HSPG2: variants seen among roughly 807,000 people sequenced by gnomAD.
The protein encoded by HSPG2 is heparan sulfate proteoglycan 2, also known as basement membrane-specific heparan sulfate proteoglycan core protein.
In HSPG2, 278 loss-of-function variants were observed where a neutral mutation model predicts 526.6. The ratio of observed to expected loss-of-function variants is 0.53; its 90% CI spans 0.48 to 0.58. The LOEUF (loss-of-function observed/expected upper bound fraction) is 0.58. Ranked by LOEUF, HSPG2 falls within the 20% of genes least tolerant of loss-of-function variation. The pLI, the probability that HSPG2 is intolerant of heterozygous loss-of-function variation, is 0.00. For synonymous variants in HSPG2, 2,465 were observed against 2,555.4 expected, an observed-to-expected ratio of 0.96 and a Z score of 1.07; for missense variants, 5,354 against 6,099.5, an observed-to-expected ratio of 0.88 and a Z score of 4.07.
Position 21,823,000 on chromosome 1 carries a change from T to A in HSPG2, c.*316A>T, listed in dbSNP as rs990678309. On this transcript the variant is annotated 3_prime_UTR_variant, in exon 97 of 97. Transcript: ENST00000374695. ...CAGAAACAGGCCACCCAGCTCTATC[T>A]GGGGGCTCCATCGGTGGGTAGGGGG... 3 of 262,030 alleles carry A rather than the reference T, an allele frequency of 1.1e-5. No homozygotes were observed. The East Asian group carries it at 2.1e-4, about 19-fold the overall frequency. 16.2% of individuals were successfully genotyped at this position (262,030 alleles called of 1,614,324 possible). A position where few individuals can be genotyped will look rare whatever the true frequency, so the allele number is the denominator to read the frequency against.
At position 21,828,100 on chromosome 1, in the gene HSPG2, C is replaced by A; in HGVS notation, c.12462G>T (p.Leu4154=). 1.2e-6 allele frequency: 2 copies of A among 1,612,818 alleles called. No individual in the cohort carries two copies. Among genetic ancestry groups the A allele is most frequent in the Admixed American group, 1.7e-5 (1 of 59,986 alleles). The part of the protein sequence containing the change: ...ENPCQLREPC[L]HGGTCQGTRC... ...GGGTGCCCTGGCAGGTGCCCCCATG[C>A]AGACAGGGTTCACGGAGCTGGCAGG... Residue 4154 remains leucine (L), a synonymous_variant, in exon 90 of 97, where the codon CTG becomes CTT. Coordinates refer to ENST00000374695, the MANE Select transcript of HSPG2 (RefSeq NM_005529.7). This position sits in a 1 kb window ranked among gnomAD's most constrained non-coding sequence, Gnocchi z 6.0.
intron 1 of HSPG2, among the ~76,000 whole-genome samples, chr1:21,917,168 A>G (rs1259745235): frequency 6.6e-6 from 1 of 152,024 alleles, no homozygotes; most frequent in Non-Finnish European, 1.5e-5. Flanking sequence ...GCGGTGGCAC[A>G]TGCCTGTAAT....
chr1:21,906,051 G>T lies in HSPG2; in HGVS notation c.64-9741C>A, dbSNP rs1643361402. ...GTTAATTAATTAATGGGGTTTATAA[G>T]TGAGGAGCCTGAGGCTCAGAGAGCT... On this transcript the variant is annotated intron_variant, in intron 1 of 96. Coordinates refer to ENST00000374695, the MANE Select transcript of HSPG2 (RefSeq NM_005529.7). 6.6e-5 allele frequency among the ~76,000 whole-genome samples: 10 copies of T among 152,260 alleles called. No individual in the cohort carries two copies. In the South Asian group the frequency reaches 2.1e-3, roughly 32 times the overall value.
At chr1:21,878,332 C>T in intron 20 of HSPG2, 79 bp from the exon 21 acceptor site, 3 of 1,581,370 alleles carry the variant, frequency 1.9e-6, no homozygotes, top group Non-Finnish European at 2.6e-6. Flanking sequence ...AACAGTGGCT[C>T]CCCAAGGTTC....
In HSPG2 at chr1:21,831,059, C is replaced by T; in HGVS notation, c.11594G>A (p.Ser3865Asn). The stretch of plus-strand genomic sequence containing the variant: ...AGCTGGGCAGACGCACACGTAGCTG[C>T]TGCTCTCAGAGTCATGGCACTGACC... ...NGGQCHDSES[S>N]SYVCVCPAGF... Residue 3865 changes from serine (S) to asparagine (N), a missense_variant, in exon 85 of 97, where the codon AGC becomes AAC. By Grantham distance (46) the Ser-to-Asn change is conservative. Transcript: ENST00000374695. The T allele has an allele frequency of 1.3e-6, 2 of 1,595,276 alleles. No individual in the cohort carries two copies. Among genetic ancestry groups the T allele is most frequent in the Non-Finnish European group, 1.7e-6 (2 of 1,171,204 alleles).
At chr1:21,926,722 A>C (rs891766748) in intron 1 of HSPG2, among the ~76,000 whole-genome samples, 2 of 137,270 alleles carry the variant, frequency 1.5e-5, no homozygotes, top group Non-Finnish European at 3.1e-5. Flanking sequence ...AGATCGCACC[A>C]CTACACTTCA....
chr1:21,836,317 C>T (rs1457036697), intron 75 of HSPG2, among the ~76,000 whole-genome samples: 1 of 152,168 alleles, frequency 6.6e-6, no homozygotes, highest in Non-Finnish European at 1.5e-5. Context: ...CAGACAATCT[C>T]CTTTCAGTCT....
intron 1 of HSPG2, among the ~76,000 whole-genome samples, chr1:21,906,793 G>C (rs1468953394): frequency 1.3e-5 from 2 of 151,974 alleles, no homozygotes; most frequent in African/African-American, 4.8e-5. Flanking sequence ...AACCTTTTAT[G>C]TATGCAAGGC....
intron 1 of HSPG2, among the ~76,000 whole-genome samples, chr1:21,916,230 G>A (rs373838335): frequency 1.2e-4 from 18 of 152,100 alleles, no homozygotes; most frequent in Admixed American, 8.5e-4. Flanking sequence ...GGTTGGGTGC[G>A]GTGGCTCACG....
At chr1:21,923,512 T>C (rs927690441) in intron 1 of HSPG2, among the ~76,000 whole-genome samples, 1 of 152,190 alleles carries the variant, frequency 6.6e-6, no homozygotes, top group African/African-American at 2.4e-5. Flanking sequence ...CCTGCCCTTC[T>C]CTCTGCTGCT....
chr1:21,826,024 C>A (rs2097972698), intron 91 of HSPG2, among the ~76,000 whole-genome samples: 1 of 151,954 alleles, frequency 6.6e-6, no homozygotes, highest in Non-Finnish European at 1.5e-5. Flanking sequence ...CTCAGGTGAT[C>A]CACCCACCTT....
intron 13 of HSPG2, among the ~76,000 whole-genome samples, chr1:21,881,763 T>C (rs891349169): frequency 3.3e-5 from 5 of 151,634 alleles, no homozygotes; most frequent in Admixed American, 1.3e-4. Context: ...CCCAACATGG[T>C]GAAACCTCGT....
intron 1 of HSPG2, among the ~76,000 whole-genome samples, chr1:21,916,342 A>G (rs1643888575): frequency 6.6e-6 from 1 of 152,090 alleles, no homozygotes; most frequent in African/African-American, 2.4e-5. Flanking sequence ...TCTATTAGTA[A>G]TACAAAAACA....
At position 21,872,545 on chromosome 1, in the gene HSPG2, GGCTCAGT is replaced by G. The variant is rs1640733468; in HGVS notation, c.4029+68_4029+74del. 5 of 1,529,156 alleles carry G rather than the reference GGCTCAGT, an allele frequency of 3.3e-6. No individual in the cohort carries two copies. The South Asian group carries it at 6.0e-5, about 18-fold the overall frequency. The allele number at this position is 1,529,156 out of a possible 1,614,324, so 94.7% of individuals were successfully genotyped here. ...ACTGAGGCGGGGATGAGGGTCGCTG[GGCTCAGT>G]GCTCAGATGGACAGTAACAGGCAGC... On this transcript the variant is annotated intron_variant, in intron 32 of 96. Transcript: ENST00000374695. The surrounding 1 kb of genome is among the most constrained non-coding windows in gnomAD (Gnocchi z 5.5).
At chr1:21,906,571 G>A (rs1488764398) in intron 1 of HSPG2, among the ~76,000 whole-genome samples, 2 of 152,144 alleles carry the variant, frequency 1.3e-5, no homozygotes, top group Non-Finnish European at 2.9e-5. Context: ...GTCCTGAAGC[G>A]CCCCATGTCT....
At chr1:21,902,065 G>C (rs1308316419) in intron 1 of HSPG2, among the ~76,000 whole-genome samples, 1 of 152,166 alleles carries the variant, frequency 6.6e-6, no homozygotes, top group Non-Finnish European at 1.5e-5. Flanking sequence ...CCACCCCCAG[G>C]CCACCCAGTG....
Position 21,854,263 on chromosome 1 carries a change from C to T in HSPG2, c.6369G>A (p.Ser2123=), listed in dbSNP as rs771245142. ...GEYVCRVENG[S]GPKEASITVS... ...CAGTAATGGAGGCCTCCTTGGGGCC[C>T]GATCCATTCTCCACACGGCACACAT... The change falls in exon 50 of 97, where the codon TCG becomes TCA. Residue 2123 remains serine (S), a synonymous_variant. Coordinates refer to ENST00000374695, the MANE Select transcript of HSPG2 (RefSeq NM_005529.7). The T allele has an allele frequency of 1.5e-5, 23 of 1,585,746 alleles. No homozygotes were observed. The highest frequency in any genetic ancestry group is 5.4e-5 in the African/African-American group (4 of 74,452).
chr1:21,834,482 C>T (rs889354847), intron 77 of HSPG2, among the ~76,000 whole-genome samples, 197 bp downstream of exon 77: 4 of 152,148 alleles, frequency 2.6e-5, no homozygotes, highest in Non-Finnish European at 5.9e-5. Flanking sequence ...CCTGTACATT[C>T]CAGGCTGCCC....
At chr1:21,889,529 G>C (rs1642193241) in intron 6 of HSPG2, among the ~76,000 whole-genome samples, 1 of 152,048 alleles carries the variant, frequency 6.6e-6, no homozygotes, top group Non-Finnish European at 1.5e-5. Flanking sequence ...ATCTGATTCT[G>C]GACAAATTTA....
Sources: gnomAD v4.1 joint callset for allele counts (sites outside exome capture counted in the v4.1 genomes callset) on GRCh38, gnomAD v4.1.1 for gene constraint, Gnocchi (gnomAD v3.1) non-coding constraint, MANE v1.5 for transcripts, NCBI Gene and HGNC (gene_info 2026-07-23, HGNC 2026-07-21) for gene names.